The following MDGA2 variants were observed in gnomAD, a reference collection of about 807,000 sequenced individuals.
MDGA2 encodes MAM domain containing glycosylphosphatidylinositol anchor 2, also known as MAM domain-containing glycosylphosphatidylinositol anchor protein 2.
A neutral mutation model predicts 117.8 loss-of-function variants in MDGA2; 40 were observed. The observed-to-expected ratio is 0.34, with a 90% CI of 0.26 to 0.44. MDGA2 has a LOEUF of 0.44. Among genes scored for constraint, MDGA2 ranks in the 20% least tolerant of loss-of-function variants. The pLI is 1.00. For missense variants in MDGA2, 1,123 were observed against 1,250.6 expected (o/e 0.90, Z 1.54); for synonymous variants, 452 against 439.0 (o/e 1.03, Z -0.37).
At chr14:46,990,191 T>C (rs1848313875) in intron 8 of MDGA2, among the ~76,000 whole-genome samples, 1 of 152,052 alleles carries the variant, frequency 6.6e-6, no homozygotes, top group African/African-American at 2.4e-5. Flanking sequence ...TTAAATGAGA[T>C]ATCATATATG....
intron 10 of MDGA2, among the ~76,000 whole-genome samples, chr14:46,911,929 C>A (rs574401668): frequency 1.8e-4 from 27 of 152,170 alleles, no homozygotes; most frequent in Admixed American, 2.6e-4. Context: ...AAGACAGGAA[C>A]CAACACTGAA....
At chr14:46,854,151 C>T (rs963572640) in intron 15 of MDGA2, among the ~76,000 whole-genome samples, 3 of 151,310 alleles carry the variant, frequency 2.0e-5, no homozygotes, top group African/African-American at 7.3e-5. Context: ...AAAACTGGCA[C>T]GATTTTCTAT....
chr14:47,045,918 T>C (rs955214229), intron 7 of MDGA2, among the ~76,000 whole-genome samples: 4 of 151,314 alleles, frequency 2.6e-5, no homozygotes, highest in African/African-American at 9.7e-5. Flanking sequence ...TGAGCCGAGA[T>C]TGTGCCACTG....
chr14:46,874,561 A>T (rs190746306), intron 12 of MDGA2, among the ~76,000 whole-genome samples: 1 of 151,964 alleles, frequency 6.6e-6, no homozygotes, highest in African/African-American at 2.4e-5. Flanking sequence ...AAAACTGTCA[A>T]TTGGAAAATT....
intron 2 of MDGA2, among the ~76,000 whole-genome samples, chr14:47,239,303 T>C (rs926182269): frequency 6.6e-6 from 1 of 151,676 alleles, no homozygotes; most frequent in African/African-American, 2.4e-5. Context: ...CCTGGACTAG[T>C]ATCACTGAGT....
intron 1 of MDGA2, among the ~76,000 whole-genome samples, chr14:47,421,024 G>A (rs1347803836): frequency 1.3e-5 from 2 of 152,086 alleles, no homozygotes; most frequent in Non-Finnish European, 2.9e-5. Flanking sequence ...CTTCAGAGCT[G>A]AGAATACGAT....
At chr14:46,848,192 A>T (rs931498875) in intron 15 of MDGA2, among the ~76,000 whole-genome samples, 1 of 152,084 alleles carries the variant, frequency 6.6e-6, no homozygotes, top group Non-Finnish European at 1.5e-5. Flanking sequence ...TCCTTTTATT[A>T]GGAAGGATGT....
intron 9 of MDGA2, among the ~76,000 whole-genome samples, chr14:46,936,893 A>G (rs1392136515): frequency 6.6e-6 from 1 of 152,124 alleles, no homozygotes; most frequent in Non-Finnish European, 1.5e-5. Context: ...CAAGACAAGG[A>G]TGCCCACTCT....
intron 1 of MDGA2, among the ~76,000 whole-genome samples, chr14:47,463,680 G>T (rs1345883083): frequency 6.6e-6 from 1 of 152,064 alleles, no homozygotes; most frequent in Non-Finnish European, 1.5e-5. Flanking sequence ...GCAAACTTCT[G>T]GGAACAGGGT....
chr14:47,107,416 T>C (rs1880769648), intron 5 of MDGA2, among the ~76,000 whole-genome samples: 1 of 152,074 alleles, frequency 6.6e-6, no homozygotes. Flanking sequence ...TACAACCCAT[T>C]ATTCTGTTCT....
At chr14:46,905,345 A>T (rs1883447711) in intron 10 of MDGA2, among the ~76,000 whole-genome samples, 1 of 152,188 alleles carries the variant, frequency 6.6e-6, no homozygotes, top group Non-Finnish European at 1.5e-5. Flanking sequence ...CTGCAGGAGC[A>T]CAAATAAAAC....
At chr14:47,322,566 C>T (rs764096378) in intron 1 of MDGA2, among the ~76,000 whole-genome samples, 3 of 152,134 alleles carry the variant, frequency 2.0e-5, no homozygotes, top group African/African-American at 4.8e-5. Context: ...CCTTCAGGAG[C>T]AGTGCTAGAC....
At chr14:47,323,176 A>AG (rs1890036972) in intron 1 of MDGA2, among the ~76,000 whole-genome samples, 2 of 54,606 alleles carry the variant, frequency 3.7e-5, no homozygotes, top group African/African-American at 1.1e-4. Context: ...ATATATATAT[A>AG]TATATATATA....
At chr14:47,416,538 A>T (rs1374326597) in intron 1 of MDGA2, among the ~76,000 whole-genome samples, 1 of 152,084 alleles carries the variant, frequency 6.6e-6, no homozygotes, top group Non-Finnish European at 1.5e-5. Context: ...GCTGGTCCAG[A>T]GTCACAAAAG....
chr14:46,978,209 T>G (rs1438380755), intron 8 of MDGA2, among the ~76,000 whole-genome samples: 2 of 151,992 alleles, frequency 1.3e-5, no homozygotes, highest in Non-Finnish European at 2.9e-5. Context: ...GTGATCACAT[T>G]GTCTTAATTT....
intron 1 of MDGA2, among the ~76,000 whole-genome samples, chr14:47,426,219 T>C (rs533688984): frequency 4.0e-4 from 61 of 152,272 alleles, no homozygotes; most frequent in Non-Finnish European, 7.9e-4. Context: ...TTCTGCCTCC[T>C]AAATTTTTGC....
At chr14:47,418,259 T>C (rs1202039798) in intron 1 of MDGA2, among the ~76,000 whole-genome samples, 2 of 152,034 alleles carry the variant, frequency 1.3e-5, no homozygotes, top group Non-Finnish European at 2.9e-5. Flanking sequence ...CTAATTTTTG[T>C]ATTTTTGGTG....
chr14:47,295,393 T>C (rs10144408), intron 2 of MDGA2, among the ~76,000 whole-genome samples: 32,822 of 152,098 alleles, frequency 0.22, 4,401 homozygotes, highest in East Asian at 0.45. Context: ...ATGTTCAGTA[T>C]TCCTACTGAG....
intron 9 of MDGA2, among the ~76,000 whole-genome samples, chr14:46,929,601 G>GTGTGTGTA (rs1398520996): frequency 7.9e-5 from 1 of 12,676 alleles, no homozygotes; most frequent in African/African-American, 2.1e-4. Context: ...GTGTGTGTGT[G>GTGTGTGTA]TATATATATA....
Sources: gnomAD v4.1 joint callset for allele counts (sites outside exome capture counted in the v4.1 genomes callset) on GRCh38, gnomAD v4.1.1 for gene constraint, MANE v1.5 for transcripts, NCBI Gene and HGNC (gene_info 2026-07-23, HGNC 2026-07-21) for gene names.